Variants in DEPDC5 observed in about 807,000 individuals in gnomAD.
The protein encoded by DEPDC5 is GATOR1 complex protein DEPDC5.
In DEPDC5, 73 loss-of-function variants were observed where a neutral mutation model predicts 217.3. The observed-to-expected ratio is 0.34, with a 90% confidence interval of 0.28 to 0.41. DEPDC5 has a LOEUF of 0.41. DEPDC5 is among the 10% of genes least tolerant of loss of function. The pLI is 1.00. For synonymous variants in DEPDC5, 733 were observed against 756.7 expected (o/e 0.97, Z 0.51); for missense variants, 1,675 against 2,070.1 (o/e 0.81, Z 3.70).
chr22:31,809,289 C>G (rs1187445852), intron 18 of DEPDC5, among the ~76,000 whole-genome samples: 2 of 152,096 alleles, frequency 1.3e-5, no homozygotes, highest in African/African-American at 2.4e-5. Context: ...GTGGATTGAC[C>G]AAGAATCTAA....
rs2093577056 is a variant in DEPDC5 at position 31,897,648 on chromosome 22, T to G, written c.4370T>G (p.Phe1457Cys). The change falls in exon 40 of 43, where the codon TTT (phenylalanine) becomes TGT (cysteine). Residue 1457 changes from phenylalanine to cysteine, a missense_variant. Coordinates refer to ENST00000651528, the MANE Select transcript of DEPDC5 (RefSeq NM_001242896.3). ...CTCAAGGAGGGCAGCGAGCACCTGTTTGATAGTAAGAAATATTCCCTTCTG... is the reference window on the plus strand; with the variant it reads ...CTCAAGGAGGGCAGCGAGCACCTGTGTGATAGTAAGAAATATTCCCTTCTG... ...CLLKEGSEHL[F>C]DSFEPETYWD... is the part of the protein sequence containing the mutation. 6.2e-7 allele frequency: 1 copy of G among 1,613,836 alleles called. No homozygotes were observed. The highest frequency in any genetic ancestry group is 8.5e-7 in the Non-Finnish European group (1 of 1,179,950).
chr22:31,864,332 C>A (rs2092613265), intron 33 of DEPDC5, among the ~76,000 whole-genome samples: 1 of 151,180 alleles, frequency 6.6e-6, no homozygotes, highest in African/African-American at 2.4e-5. Flanking sequence ...TCTCGAACTC[C>A]TAACCTCAGG....
intron 38 of DEPDC5, among the ~76,000 whole-genome samples, chr22:31,886,671 A>G (rs2093320210): frequency 6.7e-6 from 1 of 149,708 alleles, no homozygotes; most frequent in African/African-American, 2.5e-5. Context: ...GAGGTGTGAG[A>G]ATTGCTTGAA....
In DEPDC5 at chr22:31,873,403, G is replaced by A. The variant is rs774839832; in HGVS notation, c.3563+71G>A. ...TGTGCCACAGCCATGTTTAGGCAGCGTGGTTTGGTAGATTTGTACATGACT... is the reference window on the plus strand; with the variant it reads ...TGTGCCACAGCCATGTTTAGGCAGCATGGTTTGGTAGATTTGTACATGACT... On this transcript the variant is annotated intron_variant, in intron 35 of 42. Transcript: ENST00000651528. 3.3e-5 allele frequency: 51 copies of A among 1,549,168 alleles called. No homozygotes were observed. In the South Asian group the frequency reaches 4.4e-4, roughly 13 times the overall value.
At chr22:31,862,725 G>A (rs2092559546) in intron 33 of DEPDC5, among the ~76,000 whole-genome samples, 1 of 152,094 alleles carries the variant, frequency 6.6e-6, no homozygotes, top group Non-Finnish European at 1.5e-5. Flanking sequence ...CAGGTCAGAG[G>A]TACCATGCCT....
chr22:31,761,528 A>G (rs1387008046), intron 4 of DEPDC5, among the ~76,000 whole-genome samples: 2 of 151,948 alleles, frequency 1.3e-5, no homozygotes, highest in Non-Finnish European at 2.9e-5. Context: ...AAAAAATTGT[A>G]AAGTGACGCT....
intron 7 of DEPDC5, among the ~76,000 whole-genome samples, chr22:31,776,234 C>A (rs2083838242): frequency 6.6e-6 from 1 of 151,756 alleles, no homozygotes; most frequent in African/African-American, 2.4e-5. Context: ...ACCTCAGCCT[C>A]CTAGGTAGCT....
chr22:31,844,954 A>G, intron 29 of DEPDC5, 64 bp from the exon 30 acceptor site: 1 of 1,543,152 alleles, frequency 6.5e-7, no homozygotes, highest in Non-Finnish European at 9.0e-7. Context: ...CAGAGAGTTT[A>G]CTGAGAGTGC....
At chr22:31,826,927 C>G (rs937154906) in intron 24 of DEPDC5, among the ~76,000 whole-genome samples, 1 of 145,292 alleles carries the variant, frequency 6.9e-6, no homozygotes, top group Non-Finnish European at 1.5e-5. Context: ...GAGACAGGAT[C>G]TTCCTCTGTT....
chr22:31,895,922 G>C (rs1479012823), intron 39 of DEPDC5, among the ~76,000 whole-genome samples: 1 of 151,794 alleles, frequency 6.6e-6, no homozygotes, highest in Non-Finnish European at 1.5e-5. Context: ...CCCTTCCCCA[G>C]CTCACTGATA....
chr22:31,887,473 T>A (rs1009297280), intron 38 of DEPDC5, among the ~76,000 whole-genome samples: 13 of 149,584 alleles, frequency 8.7e-5, no homozygotes, highest in Non-Finnish European at 1.6e-4. Flanking sequence ...ATAGGGAGAT[T>A]TGGGAAGAAG....
intron 33 of DEPDC5, among the ~76,000 whole-genome samples, chr22:31,863,188 C>T (rs1459395749): frequency 6.6e-6 from 1 of 151,872 alleles, no homozygotes; most frequent in East Asian, 1.9e-4. Context: ...TGTGTTGAGA[C>T]AGAGTTTCAC....
Position 31,822,804 on chromosome 22 carries a change from G to T in DEPDC5, c.2104+14G>T. 1 of 1,612,306 alleles carries T rather than the reference G, an allele frequency of 6.2e-7. No homozygotes were observed. Among genetic ancestry groups the T allele is most frequent in the South Asian group, 1.1e-5 (1 of 90,654 alleles). On this transcript the variant is annotated intron_variant, in intron 24 of 42. Coordinates refer to ENST00000651528, the MANE Select transcript of DEPDC5 (RefSeq NM_001242896.3). ...ACAGTGGTGCAGGTAACCAATCCAA[G>T]AGGTAATAGAGTTGGGATGTTTAGA...
chr22:31,777,815 T>C (rs2084031494), intron 7 of DEPDC5, among the ~76,000 whole-genome samples: 1 of 152,128 alleles, frequency 6.6e-6, no homozygotes, highest in Middle Eastern at 3.2e-3. Context: ...TGGCATGATG[T>C]TGGCTCACTA....
chr22:31,827,618 C>T (rs1351558595), intron 24 of DEPDC5, among the ~76,000 whole-genome samples: 2 of 152,198 alleles, frequency 1.3e-5, no homozygotes, highest in Non-Finnish European at 2.9e-5. Context: ...TCCCAGCTCA[C>T]TTGGAGTAAA....
chr22:31,848,306 A>G (rs2091856270), intron 31 of DEPDC5, among the ~76,000 whole-genome samples: 1 of 152,192 alleles, frequency 6.6e-6, no homozygotes, highest in South Asian at 2.1e-4. Context: ...TCCACTAGGC[A>G]GTGCCCCAGT....
chr22:31,847,788 A>G (rs1328517782), intron 31 of DEPDC5, among the ~76,000 whole-genome samples: 1 of 152,182 alleles, frequency 6.6e-6, no homozygotes, highest in Non-Finnish European at 1.5e-5. Flanking sequence ...ATGTCCTTGC[A>G]TTTCAAAACA....
At chr22:31,842,467 C>T (rs563105071) in intron 27 of DEPDC5, among the ~76,000 whole-genome samples, 15 of 149,382 alleles carry the variant, frequency 1.0e-4, no homozygotes, top group South Asian at 8.7e-4. Flanking sequence ...CCCAGCTACT[C>T]GGGAGGCTGA....
intron 37 of DEPDC5, among the ~76,000 whole-genome samples, chr22:31,878,239 T>C (rs920056215): frequency 1.2e-4 from 18 of 151,940 alleles, no homozygotes; most frequent in Non-Finnish European, 4.4e-5. Flanking sequence ...CCACTCCCCA[T>C]GCTCTCTTGT....
Sources: gnomAD v4.1 joint callset for allele counts (sites outside exome capture counted in the v4.1 genomes callset) on GRCh38, gnomAD v4.1.1 for gene constraint, MANE v1.5 for transcripts, NCBI Gene and HGNC (gene_info 2026-07-23, HGNC 2026-07-21) for gene names.